PTPRG: variants seen among roughly 807,000 people sequenced by gnomAD.
PTPRG encodes the protein receptor-type tyrosine-protein phosphatase gamma.
PTPRG carries 102 observed loss-of-function variants against 165.3 expected under a neutral mutation model. That is an observed-to-expected ratio of 0.62 (90% CI 0.53 to 0.73). PTPRG has a LOEUF of 0.73. Among genes scored for constraint, PTPRG ranks in the 30% least tolerant of loss-of-function variants. The pLI is 0.00. For missense variants in PTPRG, 1,866 were observed against 1,861.4 expected (o/e 1.00, Z -0.05); for synonymous variants, 675 against 669.5 (o/e 1.01, Z -0.13).
In PTPRG at chr3:62,292,850, C is replaced by A. The variant is rs1048742361; in HGVS notation, c.4191+294C>A. 8 of 472,394 alleles carry A rather than the reference C, an allele frequency of 1.7e-5. No homozygotes were observed. In the Admixed American group the frequency reaches 3.1e-4, roughly 18 times the overall value. The allele number at this position is 472,394 out of a possible 1,614,324, so 29.3% of individuals were successfully genotyped here. ...AAGCCCTGCTTTAGAGGATAGTATT[C>A]TCTGGTTATCTTCATTAACCAGATA... On this transcript the variant is annotated intron_variant, in intron 29 of 29. Transcript: ENST00000474889.
chr3:61,890,423 GTTT>G (rs11328993), intron 2 of PTPRG, among the ~76,000 whole-genome samples: 4 of 119,236 alleles, frequency 3.4e-5, no homozygotes, highest in Admixed American at 8.4e-5. Context: ...TTTTTTTTTT[GTTT>G]TTTTTTTTTT....
At chr3:61,623,174 T>C (rs1421027981) in intron 1 of PTPRG, among the ~76,000 whole-genome samples, 7 of 152,138 alleles carry the variant, frequency 4.6e-5, no homozygotes, top group Admixed American at 6.6e-5. Context: ...GGTCTAAGAA[T>C]CGTAAGATAC....
chr3:62,160,492 A>G (rs59255513), intron 7 of PTPRG, among the ~76,000 whole-genome samples: 7,659 of 152,290 alleles, frequency 0.05, 611 homozygotes, highest in African/African-American at 0.17. Flanking sequence ...ATGTCCCCCA[A>G]ACAAAATGGG....
At chr3:62,236,810 T>C (rs369687392) in intron 14 of PTPRG, among the ~76,000 whole-genome samples, 3 of 152,304 alleles carry the variant, frequency 2.0e-5, no homozygotes, top group African/African-American at 7.2e-5. Context: ...CCAGTAGTCA[T>C]GATGTTGTTC....
chr3:61,841,006 T>A (rs938760770), intron 2 of PTPRG, among the ~76,000 whole-genome samples: 1 of 152,120 alleles, frequency 6.6e-6, no homozygotes, highest in Non-Finnish European at 1.5e-5. Flanking sequence ...GGTCTCGAAC[T>A]CCTGACCTCA....
At chr3:62,062,532 G>C (rs899766593) in intron 4 of PTPRG, among the ~76,000 whole-genome samples, 6 of 152,100 alleles carry the variant, frequency 3.9e-5, no homozygotes, top group Non-Finnish European at 8.8e-5. Context: ...GACTTGATCT[G>C]AGTCATATGT....
At position 61,972,262 on chromosome 3, in the gene PTPRG, G is replaced by C. The variant is rs74352578; in HGVS notation, c.191-17363G>C. On this transcript the variant is annotated intron_variant, in intron 2 of 29. Transcript: ENST00000474889. The stretch of plus-strand genomic sequence containing the variant: ...AAAGGACAGCAAGGTGGCCTGTTTG[G>C]CTTCTGTAGAGGGATCCATGGGGAG... Among the ~76,000 whole-genome samples the C allele has an allele frequency of 0.026, 3,913 of 152,280 alleles. 433 individuals are homozygous for C. In the East Asian group the frequency reaches 0.36, roughly 14 times the overall value.
chr3:61,853,364 C>A (rs903894353), intron 2 of PTPRG, among the ~76,000 whole-genome samples: 1 of 152,102 alleles, frequency 6.6e-6, no homozygotes, highest in Non-Finnish European at 1.5e-5. Flanking sequence ...AAGACCAGGC[C>A]GTAAAGGAAT....
At chr3:61,797,767 C>T (rs563798846) in intron 2 of PTPRG, among the ~76,000 whole-genome samples, 120 of 152,060 alleles carry the variant, frequency 7.9e-4, no homozygotes, top group African/African-American at 2.7e-3. Context: ...GCTGACTGCC[C>T]GGAGTGTGGT....
At chr3:61,615,980 C>G (rs914092236) in intron 1 of PTPRG, among the ~76,000 whole-genome samples, 3 of 152,184 alleles carry the variant, frequency 2.0e-5, no homozygotes, top group African/African-American at 4.8e-5. Flanking sequence ...GAGATGGAGT[C>G]TCGCTCTGTT....
At chr3:62,003,988 A>G (rs933132768) in intron 4 of PTPRG, among the ~76,000 whole-genome samples, 6 of 152,072 alleles carry the variant, frequency 3.9e-5, no homozygotes, top group African/African-American at 1.2e-4. Flanking sequence ...TTTTGTTAGG[A>G]TTGATGGTGA....
chr3:62,051,174 C>G (rs538065622), intron 4 of PTPRG, among the ~76,000 whole-genome samples: 2 of 152,250 alleles, frequency 1.3e-5, no homozygotes, highest in East Asian at 3.9e-4. Context: ...GACCATTAAT[C>G]CAACAAATAT....
intron 2 of PTPRG, among the ~76,000 whole-genome samples, chr3:61,779,067 G>C (rs751796124): frequency 1.4e-4 from 21 of 152,070 alleles, no homozygotes; most frequent in South Asian, 6.2e-4. Context: ...CACACACACA[G>C]ACACACACAC....
chr3:62,243,066 T>C (rs765241685), intron 14 of PTPRG, among the ~76,000 whole-genome samples: 1 of 152,030 alleles, frequency 6.6e-6, no homozygotes, highest in African/African-American at 2.4e-5. Context: ...CAATGAGCAG[T>C]GACGTGGATG....
intron 12 of PTPRG, among the ~76,000 whole-genome samples, chr3:62,207,136 A>C (rs985603015): frequency 6.6e-6 from 1 of 152,192 alleles, no homozygotes; most frequent in African/African-American, 2.4e-5. Flanking sequence ...CAGAGAGTAA[A>C]TGTTTTTCAG....
chr3:61,943,388 C>A (rs886413511), intron 2 of PTPRG, among the ~76,000 whole-genome samples: 1 of 152,172 alleles, frequency 6.6e-6, no homozygotes, highest in East Asian at 1.9e-4. Context: ...CAGGGGTGTT[C>A]GAGACCAGCC....
In PTPRG at chr3:62,284,568, GT is replaced by G. The variant is rs563924276; in HGVS notation, c.4055+1701del. The stretch of plus-strand genomic sequence containing the variant: ...AGAGAAACTTTAAAATTTTTGAACA[GT>G]TGCTAGCTCTAGTGAGATACTCTGA... On this transcript the variant is annotated intron_variant, in intron 28 of 29. Coordinates refer to ENST00000474889, the MANE Select transcript of PTPRG (RefSeq NM_002841.4). Among the ~76,000 whole-genome samples the G allele has an allele frequency of 4.8e-3, 733 of 152,158 alleles. 7 individuals are homozygous for G. The highest frequency in any genetic ancestry group is 0.017 in the Middle Eastern group (5 of 294).
At chr3:62,051,188 T>C (rs1700458150) in intron 4 of PTPRG, among the ~76,000 whole-genome samples, 1 of 152,212 alleles carries the variant, frequency 6.6e-6, no homozygotes, top group South Asian at 2.1e-4. Flanking sequence ...CAAATATTTA[T>C]TGAGTGTCAT....
chr3:61,744,469 G>T (rs1171312661), intron 1 of PTPRG, among the ~76,000 whole-genome samples: 1 of 152,172 alleles, frequency 6.6e-6, no homozygotes, highest in African/African-American at 2.4e-5. Flanking sequence ...TACCGTCCTG[G>T]ATACTGTAGG....
Sources: allele counts gnomAD v4.1 joint callset (sites outside exome capture counted in the v4.1 genomes callset), GRCh38; gene constraint gnomAD v4.1.1; transcripts MANE v1.5; gene names NCBI Gene and HGNC (gene_info 2026-07-23, HGNC 2026-07-21).